Variants in GLYAT observed in about 807,000 individuals in gnomAD.
The protein encoded by GLYAT is glycine N-acyltransferase.
Under a neutral mutation model 22.8 loss-of-function variants are expected in GLYAT, and 25 were observed. That is an observed-to-expected ratio of 1.09 (90% CI 0.80 to 1.53). GLYAT has a LOEUF of 1.53. GLYAT is among the 40% of genes most tolerant of loss of function. GLYAT has a pLI of 0.00. For synonymous variants in GLYAT, 140 were observed against 122.7 expected, an observed-to-expected ratio of 1.14 and a Z score of -0.93; for missense variants, 411 against 353.9, an observed-to-expected ratio of 1.16 and a Z score of -1.29.
chr11:58,731,934 C>G lies in GLYAT; in HGVS notation c.-115G>C, dbSNP rs1418656696. 2 of 152,134 alleles carry G rather than the reference C, an allele frequency of 1.3e-5. No individual in the cohort carries two copies. The highest frequency in any genetic ancestry group is 4.8e-5 in the African/African-American group (2 of 41,430). 9.4% of individuals were successfully genotyped at this position (152,134 alleles called of 1,614,324 possible). A position where few individuals can be genotyped will look rare whatever the true frequency, so the allele number is the denominator to read the frequency against. ...CCTGATGCAGCCAGTTCAGCAGAGTCTCGCAGAGTAAATTTTGATACACCA... is the reference window on the plus strand; with the variant it reads ...CCTGATGCAGCCAGTTCAGCAGAGTGTCGCAGAGTAAATTTTGATACACCA... On this transcript the variant is annotated 5_prime_UTR_variant, in exon 1 of 6. Transcript: ENST00000344743.
chr11:58,712,982 G>A, intron 3 of GLYAT, 96 bp from the exon 4 acceptor site: 2 of 744,450 alleles, frequency 2.7e-6, no homozygotes, highest in Non-Finnish European at 2.1e-6. Flanking sequence ...TAAAATATTG[G>A]TAGTTTTATT....
intron 1 of GLYAT, among the ~76,000 whole-genome samples, chr11:58,729,878 T>G (rs1482920181): frequency 2.0e-5 from 3 of 152,168 alleles, no homozygotes; most frequent in African/African-American, 7.2e-5. Flanking sequence ...AAAGTAGAGT[T>G]AAAGTAGAGC....
chr11:58,719,172 G>A (rs777777394), intron 2 of GLYAT, among the ~76,000 whole-genome samples: 1 of 151,852 alleles, frequency 6.6e-6, no homozygotes, highest in Non-Finnish European at 1.5e-5. Flanking sequence ...TTACAAAATA[G>A]GATTATAGGT....
At chr11:58,713,035 G>A (rs368892764) in intron 3 of GLYAT, 149 bp from the exon 4 acceptor site, 4 of 550,158 alleles carry the variant, frequency 7.3e-6, no homozygotes, top group Non-Finnish European at 3.1e-6. Context: ...CATAATATTT[G>A]TAAAAAATGT....
intron 1 of GLYAT, among the ~76,000 whole-genome samples, chr11:58,729,311 G>A (rs7938493): frequency 5.3e-5 from 8 of 152,126 alleles, no homozygotes; most frequent in East Asian, 1.9e-4. Flanking sequence ...TGTCTCTTAC[G>A]TCCGTCTGAA....
intron 2 of GLYAT, among the ~76,000 whole-genome samples, chr11:58,718,577 C>A (rs1856711751): frequency 6.6e-6 from 1 of 151,820 alleles, no homozygotes; most frequent in African/African-American, 2.4e-5. Context: ...ATTATAAAAC[C>A]ACCTTCTAAA....
intron 2 of GLYAT, among the ~76,000 whole-genome samples, chr11:58,718,708 A>G (rs552344104): frequency 3.8e-4 from 57 of 151,578 alleles, no homozygotes; most frequent in African/African-American, 1.4e-3. Flanking sequence ...TCAGAAACCC[A>G]CATTTAAGAG....
chr11:58,731,495 G>A (rs1856871352), intron 1 of GLYAT, among the ~76,000 whole-genome samples: 1 of 151,924 alleles, frequency 6.6e-6, no homozygotes. Flanking sequence ...ACACAATACG[G>A]GCACTTTAAT....
intron 3 of GLYAT, 122 bp from the exon 4 acceptor site, chr11:58,713,008 TTTC>T (rs1172829146): frequency 6.6e-6 from 4 of 608,090 alleles, no homozygotes; most frequent in Non-Finnish European, 1.1e-5. Flanking sequence ...ATCACAATTA[TTTC>T]TTTTTTATTG....
chr11:58,723,887 C>T (rs926048391), intron 2 of GLYAT, among the ~76,000 whole-genome samples: 8 of 151,978 alleles, frequency 5.3e-5, no homozygotes, highest in African/African-American at 1.9e-4. Flanking sequence ...CCTAAAGTAA[C>T]TCGACCTGCC....
At chr11:58,713,141 A>G (rs1856637671) in intron 3 of GLYAT, among the ~76,000 whole-genome samples, 1 of 152,174 alleles carries the variant, frequency 6.6e-6, no homozygotes, top group Admixed American at 6.5e-5. Context: ...GAACATTTCA[A>G]GTCCTCCTTC....
At chr11:58,716,457 C>G (rs1856681733) in intron 2 of GLYAT, among the ~76,000 whole-genome samples, 1 of 151,992 alleles carries the variant, frequency 6.6e-6, no homozygotes, top group African/African-American at 2.4e-5. Flanking sequence ...TCGACTAAGT[C>G]TGAGTTTATC....
At chr11:58,730,271 T>C (rs1232357321) in intron 1 of GLYAT, among the ~76,000 whole-genome samples, 1 of 152,166 alleles carries the variant, frequency 6.6e-6, no homozygotes, top group East Asian at 1.9e-4. Flanking sequence ...GGGCAAAAGC[T>C]TGAGACCAGC....
rs973816363 is a variant in GLYAT at position 58,708,973 on chromosome 11, C to G, written c.*793G>C. On this transcript the variant is annotated 3_prime_UTR_variant, in exon 6 of 6. Coordinates refer to ENST00000344743, the MANE Select transcript of GLYAT (RefSeq NM_201648.3). ...TCAATAAACCATCACATCCCTGGGTCAAGGTGCTCCCACCTTCACCTTTTC... is the reference window on the plus strand; with the variant it reads ...TCAATAAACCATCACATCCCTGGGTGAAGGTGCTCCCACCTTCACCTTTTC... The G allele has an allele frequency of 6.6e-6, 1 of 152,172 alleles. No individual in the cohort carries two copies. The highest frequency in any genetic ancestry group is 2.4e-5 in the African/African-American group (1 of 41,438). The allele number at this position is 152,172 out of a possible 1,614,324, so 9.4% of individuals were successfully genotyped here.
intron 5 of GLYAT, 24 bp downstream of exon 5, chr11:58,710,566 T>C (rs675757): frequency 0.79 from 1,221,708 of 1,537,906 alleles, 490,923 homozygotes; most frequent in Middle Eastern, 0.88. Flanking sequence ...GTGAGTGGTA[T>C]AGACTGGATT....
chr11:58,724,607 T>C, intron 1 of GLYAT, 96 bp from the exon 2 acceptor site: 1 of 526,998 alleles, frequency 1.9e-6, no homozygotes. Context: ...CAGGTTTTTT[T>C]TTTTTAGTGC....
At chr11:58,713,411 C>T (rs1283958440) in intron 3 of GLYAT, among the ~76,000 whole-genome samples, 1 of 152,014 alleles carries the variant, frequency 6.6e-6, no homozygotes, top group Non-Finnish European at 1.5e-5. Flanking sequence ...CACCATCATC[C>T]TCAACAGGAA....
intron 2 of GLYAT, among the ~76,000 whole-genome samples, chr11:58,716,442 C>T (rs1416334742): frequency 2.0e-5 from 3 of 151,962 alleles, no homozygotes; most frequent in Admixed American, 2.0e-4. Context: ...GAAAAAAACT[C>T]TAAATCGACT....
chr11:58,726,894 C>G (rs965141911), intron 1 of GLYAT, among the ~76,000 whole-genome samples: 2 of 151,918 alleles, frequency 1.3e-5, no homozygotes, highest in Non-Finnish European at 2.9e-5. Flanking sequence ...GTTTATTTGC[C>G]CTCGACATAA....
Sources: allele counts gnomAD v4.1 joint callset (sites outside exome capture counted in the v4.1 genomes callset), GRCh38; gene constraint gnomAD v4.1.1; transcripts MANE v1.5; gene names NCBI Gene and HGNC (gene_info 2026-07-23, HGNC 2026-07-21).